The following NRG3 variants were observed in gnomAD, a reference collection of about 807,000 sequenced individuals.
NRG3 encodes neuregulin 3.
Under a neutral mutation model 66.9 loss-of-function variants are expected in NRG3, and 31 were observed. That is an observed-to-expected ratio of 0.46 (90% CI 0.35 to 0.63). The LOEUF (loss-of-function observed/expected upper bound fraction) is 0.63, where lower values mean the gene tolerates loss of function less well. Ranked by LOEUF, NRG3 falls within the 20% of genes least tolerant of loss-of-function variation. The probability of loss-of-function intolerance (pLI) is 0.00; values close to 1 mark genes in which losing one functional copy is unlikely to be tolerated. For missense variants in NRG3, 910 were observed against 878.9 expected (o/e 1.04, Z -0.45); for synonymous variants, 393 against 359.4 (o/e 1.09, Z -1.06).
intron 1 of NRG3, among the ~76,000 whole-genome samples, chr10:82,129,979 A>G (rs115122353): frequency 0.022 from 3,326 of 151,714 alleles, 136 homozygotes; most frequent in East Asian, 0.15. Flanking sequence ...AACCATCCCC[A>G]CTTTCCCTGC....
chr10:82,898,505 T>A (rs1843878166), intron 4 of NRG3, among the ~76,000 whole-genome samples: 1 of 152,096 alleles, frequency 6.6e-6, no homozygotes, highest in Non-Finnish European at 1.5e-5. Flanking sequence ...GTAGATGGTG[T>A]GCCACAGTCC....
chr10:82,447,845 C>T (rs948860341), intron 2 of NRG3, among the ~76,000 whole-genome samples: 1 of 152,226 alleles, frequency 6.6e-6, no homozygotes, highest in African/African-American at 2.4e-5. Flanking sequence ...CCAAGGCCTT[C>T]TGCTGTGTAA....
At chr10:82,717,204 G>T (rs945846592) in intron 2 of NRG3, among the ~76,000 whole-genome samples, 1 of 151,960 alleles carries the variant, frequency 6.6e-6, no homozygotes, top group Non-Finnish European at 1.5e-5. Flanking sequence ...AACAATTTTG[G>T]TCTATCTGAG....
intron 2 of NRG3, among the ~76,000 whole-genome samples, chr10:82,569,903 G>T (rs2045628668): frequency 6.6e-6 from 1 of 151,570 alleles, no homozygotes; most frequent in Non-Finnish European, 1.5e-5. Flanking sequence ...CCACACTCTT[G>T]ATTCACACTT....
At chr10:82,152,901 T>C (rs2070881875) in intron 1 of NRG3, among the ~76,000 whole-genome samples, 1 of 151,794 alleles carries the variant, frequency 6.6e-6, no homozygotes, top group South Asian at 2.1e-4. Flanking sequence ...TTCTTTCTTC[T>C]TTCTCCTTTT....
chr10:81,981,941 C>T (rs962086581), intron 1 of NRG3, among the ~76,000 whole-genome samples: 1 of 152,114 alleles, frequency 6.6e-6, no homozygotes, highest in Admixed American at 6.5e-5. Context: ...CTATGAGTCA[C>T]ATCCATAATT....
At chr10:82,019,354 A>G (rs2061946567) in intron 1 of NRG3, among the ~76,000 whole-genome samples, 1 of 152,000 alleles carries the variant, frequency 6.6e-6, no homozygotes, top group African/African-American at 2.4e-5. Context: ...TTTATTGAGG[A>G]TTTTTGCATC....
At chr10:82,845,303 G>C (rs1251068873) in intron 3 of NRG3, among the ~76,000 whole-genome samples, 1 of 152,152 alleles carries the variant, frequency 6.6e-6, no homozygotes, top group African/African-American at 2.4e-5. Flanking sequence ...TCATACCTGG[G>C]AATAAAGTTG....
chr10:82,434,230 C>G (rs965233710), intron 2 of NRG3, among the ~76,000 whole-genome samples: 1 of 152,000 alleles, frequency 6.6e-6, no homozygotes, highest in African/African-American at 2.4e-5. Flanking sequence ...GGAATTCATT[C>G]ATGATTTGGC....
intron 2 of NRG3, among the ~76,000 whole-genome samples, chr10:82,620,920 C>T (rs1188936896): frequency 2.6e-5 from 4 of 152,050 alleles, no homozygotes; most frequent in East Asian, 1.9e-4. Flanking sequence ...CTGTGGTCTA[C>T]AGATTAATAA....
chr10:82,929,876 A>C (rs985259478), intron 4 of NRG3, among the ~76,000 whole-genome samples: 1 of 104,856 alleles, frequency 9.5e-6, no homozygotes, highest in Non-Finnish European at 1.9e-5. Flanking sequence ...ACTCCATCTC[A>C]AAAAAAAAAA....
At chr10:82,285,367 T>A (rs2079360859) in intron 1 of NRG3, among the ~76,000 whole-genome samples, 1 of 152,214 alleles carries the variant, frequency 6.6e-6, no homozygotes, top group Non-Finnish European at 1.5e-5. Flanking sequence ...ATCCCACTTC[T>A]TGTTCATATG....
intron 8 of NRG3, among the ~76,000 whole-genome samples, chr10:82,980,421 A>G (rs974402329): frequency 1.1e-4 from 17 of 152,124 alleles, no homozygotes; most frequent in African/African-American, 4.1e-4. Flanking sequence ...AAATTTCAGA[A>G]ATCACTTCCC....
chr10:82,725,863 A>G (rs17100620), intron 2 of NRG3, among the ~76,000 whole-genome samples: 3,346 of 152,200 alleles, frequency 0.022, 121 homozygotes, highest in African/African-American at 0.074. Context: ...ACGTTCCCCT[A>G]CTTGGTAACT....
intron 1 of NRG3, among the ~76,000 whole-genome samples, chr10:81,903,746 C>T (rs1844302618): frequency 1.3e-5 from 2 of 152,090 alleles, no homozygotes; most frequent in African/African-American, 2.4e-5. Context: ...TGTTTCAGGG[C>T]GATGGTGCAG....
At chr10:82,172,127 T>C (rs17099528) in intron 1 of NRG3, among the ~76,000 whole-genome samples, 6,598 of 152,214 alleles carry the variant, frequency 0.043, 332 homozygotes, top group East Asian at 0.15. Context: ...ATGGGGTTTC[T>C]ATTGAGGAAG....
At chr10:82,439,789 T>C (rs1043348959) in intron 2 of NRG3, among the ~76,000 whole-genome samples, 3 of 152,084 alleles carry the variant, frequency 2.0e-5, no homozygotes, top group Non-Finnish European at 4.4e-5. Flanking sequence ...AATACACTAC[T>C]GGATTCACTT....
chr10:82,274,786 G>A (rs1469951705), intron 1 of NRG3, among the ~76,000 whole-genome samples: 2 of 151,916 alleles, frequency 1.3e-5, no homozygotes, highest in Admixed American at 6.6e-5. Context: ...TACTATAGTG[G>A]TATTTCATAG....
chr10:82,560,914 T>C (rs1052534908), intron 2 of NRG3, among the ~76,000 whole-genome samples: 1 of 152,072 alleles, frequency 6.6e-6, no homozygotes, highest in African/African-American at 2.4e-5. Flanking sequence ...AGGTCCCTAA[T>C]ATATTAACTA....
Sources: allele counts gnomAD v4.1 joint callset (sites outside exome capture counted in the v4.1 genomes callset), GRCh38; gene constraint gnomAD v4.1.1; transcripts MANE v1.5; gene names NCBI Gene and HGNC (gene_info 2026-07-23, HGNC 2026-07-21).